Variants in SLC9A9 observed in about 807,000 individuals in gnomAD.
SLC9A9 encodes the protein solute carrier family 9 member A9, also known as sodium/hydrogen exchanger 9.
A neutral mutation model predicts 77.8 loss-of-function variants in SLC9A9; 62 were observed. That is an observed-to-expected ratio of 0.80 (90% CI 0.65 to 0.98). SLC9A9 has a LOEUF of 0.98. Ranked by LOEUF, SLC9A9 falls within the 50% of genes least tolerant of loss-of-function variation. The pLI is 0.00. For synonymous variants in SLC9A9, 320 were observed against 283.5 expected, an observed-to-expected ratio of 1.13 and a Z score of -1.29; for missense variants, 775 against 774.9, an observed-to-expected ratio of 1.00 and a Z score of 0.00.
At chr3:143,771,486 C>T (rs1329471439) in intron 4 of SLC9A9, among the ~76,000 whole-genome samples, 1 of 152,142 alleles carries the variant, frequency 6.6e-6, no homozygotes, top group Non-Finnish European at 1.5e-5. Flanking sequence ...CACACACCCA[C>T]ACATAGACAC....
At chr3:143,615,209 G>A (rs569333109) in intron 6 of SLC9A9, among the ~76,000 whole-genome samples, 2 of 152,338 alleles carry the variant, frequency 1.3e-5, no homozygotes, top group South Asian at 4.1e-4. Flanking sequence ...GGCACTGACA[G>A]TCACCACCAC....
At chr3:143,725,309 A>G (rs555149072) in intron 4 of SLC9A9, among the ~76,000 whole-genome samples, 45 of 152,126 alleles carry the variant, frequency 3.0e-4, no homozygotes, top group Non-Finnish European at 5.1e-4. Context: ...TAGTTCAACC[A>G]TTGTGGAAGT....
chr3:143,569,618 G>T (rs2037225365), intron 8 of SLC9A9, among the ~76,000 whole-genome samples: 1 of 151,854 alleles, frequency 6.6e-6, no homozygotes, highest in Non-Finnish European at 1.5e-5. Flanking sequence ...TGCTAAGTTT[G>T]TGGACATATC....
At chr3:143,401,445 T>G (rs1417233075) in intron 12 of SLC9A9, among the ~76,000 whole-genome samples, 1 of 152,218 alleles carries the variant, frequency 6.6e-6, no homozygotes, top group East Asian at 1.9e-4. Context: ...GAATGTGCCA[T>G]TGTTTTTCCT....
At chr3:143,768,464 C>T (rs769793125) in intron 4 of SLC9A9, among the ~76,000 whole-genome samples, 1 of 152,154 alleles carries the variant, frequency 6.6e-6, no homozygotes, top group Non-Finnish European at 1.5e-5. Context: ...TACCACATTT[C>T]CCTGTGCATG....
chr3:143,592,921 G>A (rs766976839), intron 6 of SLC9A9, among the ~76,000 whole-genome samples: 10 of 152,080 alleles, frequency 6.6e-5, no homozygotes, highest in Admixed American at 1.3e-4. Flanking sequence ...GCAAACAGGA[G>A]AAACAGGCCT....
chr3:143,438,098 A>T (rs979580679), intron 12 of SLC9A9, among the ~76,000 whole-genome samples: 4 of 152,270 alleles, frequency 2.6e-5, no homozygotes, highest in Non-Finnish European at 4.4e-5. Flanking sequence ...AAAACATTTA[A>T]TTAAATCCCC....
At chr3:143,363,816 T>C (rs1292462716) in intron 13 of SLC9A9, among the ~76,000 whole-genome samples, 2 of 152,182 alleles carry the variant, frequency 1.3e-5, no homozygotes, top group African/African-American at 4.8e-5. Context: ...AGCTAAGAAA[T>C]GCTATTTTGA....
At chr3:143,770,189 G>A (rs943755025) in intron 4 of SLC9A9, among the ~76,000 whole-genome samples, 1 of 151,994 alleles carries the variant, frequency 6.6e-6, no homozygotes. Context: ...GATTGAACAG[G>A]TAAATCCTAA....
chr3:143,822,917 T>G (rs16854392), intron 2 of SLC9A9, among the ~76,000 whole-genome samples: 10,670 of 152,200 alleles, frequency 0.07, 597 homozygotes, highest in African/African-American at 0.15. Context: ...ACGCAATTAT[T>G]TGGAGAGCAG....
chr3:143,525,838 GAAATT>G (rs1170461248), intron 9 of SLC9A9, among the ~76,000 whole-genome samples: 1 of 152,092 alleles, frequency 6.6e-6, no homozygotes, highest in Non-Finnish European at 1.5e-5. Flanking sequence ...AGAAAAAAGA[GAAATT>G]AAAATTAATG....
intron 9 of SLC9A9, among the ~76,000 whole-genome samples, chr3:143,546,144 G>A (rs1032497147): frequency 6.6e-6 from 1 of 152,168 alleles, no homozygotes; most frequent in Non-Finnish European, 1.5e-5. Context: ...ACTATATCTT[G>A]CTGCTCCCAT....
chr3:143,265,898 G>C lies in SLC9A9; in HGVS notation c.*804C>G, dbSNP rs3796227. On this transcript the variant is annotated 3_prime_UTR_variant, in exon 16 of 16. Coordinates refer to ENST00000316549, the MANE Select transcript of SLC9A9 (RefSeq NM_173653.4). ...CTCCAGCATATCGCGGGGAGGGGGG[G>C]ACCTGCTGCACAGCCAAGAAGTGAC... is the stretch of plus-strand genomic sequence containing the variant. The C allele has an allele frequency of 0.025, 15,395 of 607,668 alleles. 650 individuals are homozygous for C. Among genetic ancestry groups the C allele is most frequent in the African/African-American group, 0.14 (7,602 of 54,012 alleles). The allele number at this position is 607,668 out of a possible 1,614,324, so 37.6% of individuals were successfully genotyped here. A position where few individuals can be genotyped will look rare whatever the true frequency, so the allele number is the denominator to read the frequency against.
chr3:143,562,424 A>G (rs2037102830), intron 8 of SLC9A9, among the ~76,000 whole-genome samples: 1 of 152,116 alleles, frequency 6.6e-6, no homozygotes, highest in Non-Finnish European at 1.5e-5. Context: ...ATTGCGGGGC[A>G]TATCTGAGAA....
chr3:143,502,712 A>G (rs1353689798), intron 9 of SLC9A9, among the ~76,000 whole-genome samples: 1 of 152,146 alleles, frequency 6.6e-6, no homozygotes, highest in African/African-American at 2.4e-5. Flanking sequence ...ACTTTCATCT[A>G]CTTGTCTATG....
At chr3:143,567,201 C>T (rs749343462) in intron 8 of SLC9A9, among the ~76,000 whole-genome samples, 1 of 152,090 alleles carries the variant, frequency 6.6e-6, no homozygotes, top group Non-Finnish European at 1.5e-5. Context: ...CCTTCTATTA[C>T]AAAGCAATAA....
At chr3:143,385,294 TTCTA>T (rs779796075) in intron 12 of SLC9A9, among the ~76,000 whole-genome samples, 1 of 152,228 alleles carries the variant, frequency 6.6e-6, no homozygotes, top group Non-Finnish European at 1.5e-5. Context: ...TATTTTCATT[TTCTA>T]TCTATCTATC....
At chr3:143,445,151 G>A (rs775189264) in intron 12 of SLC9A9, among the ~76,000 whole-genome samples, 3 of 152,174 alleles carry the variant, frequency 2.0e-5, no homozygotes, top group Non-Finnish European at 2.9e-5. Flanking sequence ...TACATTCTTG[G>A]TGGGAATGTA....
chr3:143,655,502 C>A lies in SLC9A9; in HGVS notation c.650-3142G>T, dbSNP rs1020075942. The stretch of plus-strand genomic sequence containing the variant: ...TTTTGTCTTTAACTTACTTTAGTTC[C>A]ACTCATCTTTTAGTGGCAGATTTTC... On this transcript the variant is annotated intron_variant, in intron 5 of 15. Transcript: ENST00000316549. The A allele has an allele frequency of 4.1e-6, 4 of 985,206 alleles. No homozygotes were observed. The African/African-American group carries it at 7.0e-5, about 17-fold the overall frequency. 61.0% of individuals were successfully genotyped at this position (985,206 alleles called of 1,614,324 possible).
Sources: gnomAD v4.1 joint callset for allele counts (sites outside exome capture counted in the v4.1 genomes callset) on GRCh38, gnomAD v4.1.1 for gene constraint, MANE v1.5 for transcripts, NCBI Gene and HGNC (gene_info 2026-07-23, HGNC 2026-07-21) for gene names.